Variants in CDH13 observed in about 807,000 individuals in gnomAD.
The protein encoded by CDH13 is cadherin-13.
Under a neutral mutation model 63.8 loss-of-function variants are expected in CDH13, and 24 were observed. That is an observed-to-expected ratio of 0.38 (90% CI 0.27 to 0.53). The LOEUF (loss-of-function observed/expected upper bound fraction) is 0.53, where lower values mean the gene tolerates loss of function less well. Ranked by LOEUF, CDH13 falls within the 20% of genes least tolerant of loss-of-function variation. The pLI, the probability that CDH13 is intolerant of heterozygous loss-of-function variation, is 0.85. For missense variants in CDH13, 1,049 were observed against 903.1 expected (o/e 1.16, Z -2.07); for synonymous variants, 503 against 355.3 (o/e 1.42, Z -4.67).
intron 3 of CDH13, among the ~76,000 whole-genome samples, chr16:83,064,596 T>A (rs192239529): frequency 6.6e-5 from 10 of 152,342 alleles, no homozygotes; most frequent in Admixed American, 5.9e-4. Flanking sequence ...AGCAATGAGA[T>A]ATTTTAGATA....
At chr16:83,522,974 A>G (rs1007114070) in intron 7 of CDH13, among the ~76,000 whole-genome samples, 2 of 152,188 alleles carry the variant, frequency 1.3e-5, no homozygotes, top group South Asian at 2.1e-4. Context: ...CCCTCTGCCT[A>G]GAACTTTCTT....
intron 9 of CDH13, among the ~76,000 whole-genome samples, chr16:83,671,327 C>T (rs1746377506): frequency 6.6e-6 from 1 of 152,178 alleles, no homozygotes; most frequent in African/African-American, 2.4e-5. Context: ...CAGCTCACTG[C>T]AATCTCCGCC....
At chr16:82,986,804 A>G (rs2151394565) in intron 2 of CDH13, among the ~76,000 whole-genome samples, 1 of 152,342 alleles carries the variant, frequency 6.6e-6, no homozygotes, top group East Asian at 1.9e-4. Flanking sequence ...AAATGGGTGA[A>G]GAATTGAGAC....
At chr16:82,878,476 G>A (rs2040580744) in intron 2 of CDH13, among the ~76,000 whole-genome samples, 2 of 118,928 alleles carry the variant, frequency 1.7e-5, no homozygotes, top group Non-Finnish European at 3.5e-5. Flanking sequence ...CAGTAAGGTT[G>A]TCTCTGTTAC....
At chr16:83,322,570 G>C (rs2090254117) in intron 5 of CDH13, among the ~76,000 whole-genome samples, 1 of 146,536 alleles carries the variant, frequency 6.8e-6, no homozygotes, top group South Asian at 2.1e-4. Flanking sequence ...AGGTTCTTAT[G>C]GGGGGGTGCA....
intron 4 of CDH13, among the ~76,000 whole-genome samples, chr16:83,159,806 G>A (rs1279998750): frequency 6.6e-6 from 1 of 152,142 alleles, no homozygotes; most frequent in Non-Finnish European, 1.5e-5. Flanking sequence ...TGGGCACGGT[G>A]GGTCATGTCT....
chr16:83,227,795 C>T (rs187611189), intron 5 of CDH13, among the ~76,000 whole-genome samples: 2 of 152,226 alleles, frequency 1.3e-5, no homozygotes, highest in Admixed American at 6.5e-5. Context: ...CTCGGCAGCT[C>T]CATCAGAAAG....
intron 1 of CDH13, among the ~76,000 whole-genome samples, chr16:82,692,182 T>C (rs554134245): frequency 6.6e-6 from 1 of 152,304 alleles, no homozygotes; most frequent in East Asian, 1.9e-4. Context: ...CAGGAAGAAA[T>C]AGGCAGAGAA....
At chr16:82,915,749 C>G (rs969375657) in intron 2 of CDH13, among the ~76,000 whole-genome samples, 6 of 151,514 alleles carry the variant, frequency 4.0e-5, no homozygotes, top group African/African-American at 1.2e-4. Context: ...CCTTGTAAAG[C>G]TGATTCTTCC....
At position 83,678,242 on chromosome 16, in the gene CDH13, T is replaced by G. The variant is rs1286563290; in HGVS notation, c.1319T>G (p.Leu440Arg). 1 of 1,613,834 alleles carries G rather than the reference T, an allele frequency of 6.2e-7. No individual in the cohort carries two copies. The highest frequency in any genetic ancestry group is 1.1e-5 in the South Asian group (1 of 91,066). ...LDYEISAFHT[L>R]LIKVENEDPL... ...TATGAAATTTCTGCCTTCCACACCCTGCTGATCAAAGTGGAAAATGAAGAC... is the reference window on the plus strand; with the variant it reads ...TATGAAATTTCTGCCTTCCACACCCGGCTGATCAAAGTGGAAAATGAAGAC... The change falls in exon 10 of 14, where the codon CTG becomes CGG. Residue 440 changes from leucine to arginine, a missense_variant. Leu to Arg is a moderately radical substitution (Grantham distance 102, BLOSUM62 -2). Transcript: ENST00000567109.
chr16:82,796,041 C>T (rs764275535), intron 1 of CDH13, among the ~76,000 whole-genome samples: 1 of 150,370 alleles, frequency 6.7e-6, no homozygotes, highest in African/African-American at 2.5e-5. Flanking sequence ...ATGGACCCAA[C>T]AGATGAGTCC....
At chr16:83,309,185 G>T (rs150292576) in intron 5 of CDH13, among the ~76,000 whole-genome samples, 5 of 152,152 alleles carry the variant, frequency 3.3e-5, no homozygotes, top group African/African-American at 4.8e-5. Context: ...TGTTTGCAGC[G>T]TTATACCGAG....
chr16:82,998,648 C>G (rs1261619164), intron 2 of CDH13, among the ~76,000 whole-genome samples: 5 of 152,150 alleles, frequency 3.3e-5, no homozygotes, highest in African/African-American at 1.2e-4. Flanking sequence ...TTCTCCTCTG[C>G]TATGAATTAG....
intron 1 of CDH13, among the ~76,000 whole-genome samples, chr16:82,827,085 T>C (rs942799383): frequency 1.3e-5 from 2 of 152,224 alleles, no homozygotes; most frequent in African/African-American, 4.8e-5. Flanking sequence ...TTGGCCCATA[T>C]CTTAATTCAG....
chr16:83,326,122 C>G (rs2090354192), intron 5 of CDH13, among the ~76,000 whole-genome samples: 1 of 152,054 alleles, frequency 6.6e-6, no homozygotes, highest in Non-Finnish European at 1.5e-5. Flanking sequence ...GGGGATAAGC[C>G]CAGTGTCAGT....
chr16:82,932,640 C>T (rs766345089), intron 2 of CDH13, among the ~76,000 whole-genome samples: 13 of 152,064 alleles, frequency 8.5e-5, no homozygotes, highest in East Asian at 1.9e-4. Flanking sequence ...TCTCATGGGA[C>T]GTATTTACTT....
intron 4 of CDH13, among the ~76,000 whole-genome samples, chr16:83,127,517 G>T (rs923755497): frequency 1.3e-5 from 2 of 152,018 alleles, no homozygotes; most frequent in Admixed American, 1.3e-4. Context: ...ATCACCCGAG[G>T]TCAGGAGTTC....
At chr16:83,170,607 G>T (rs1182472348) in intron 4 of CDH13, among the ~76,000 whole-genome samples, 1 of 152,144 alleles carries the variant, frequency 6.6e-6, no homozygotes, top group African/African-American at 2.4e-5. Context: ...ATTCTTCAAA[G>T]ATATTTTAGT....
At chr16:82,716,525 A>T (rs575888858) in intron 1 of CDH13, among the ~76,000 whole-genome samples, 18 of 150,824 alleles carry the variant, frequency 1.2e-4, no homozygotes, top group Non-Finnish European at 2.7e-4. Context: ...GTTGGGGATT[A>T]TGAGTGGAGG....
Sources: allele counts gnomAD v4.1 joint callset (sites outside exome capture counted in the v4.1 genomes callset), GRCh38; gene constraint gnomAD v4.1.1; transcripts MANE v1.5; gene names NCBI Gene and HGNC (gene_info 2026-07-23, HGNC 2026-07-21).